The following SP9 variants were observed in gnomAD, a reference collection of about 807,000 sequenced individuals.
The protein encoded by SP9 is transcription factor Sp9.
Under a neutral mutation model 23.0 loss-of-function variants are expected in SP9, and 5 were observed. The observed-to-expected ratio is 0.22, with a 90% CI of 0.11 to 0.46. SP9 has a LOEUF of 0.46. Ranked by LOEUF, SP9 falls within the 20% of genes least tolerant of loss-of-function variation. SP9 has a pLI of 0.99. For missense variants in SP9, 542 were observed against 724.0 expected (o/e 0.75, Z 2.88); for synonymous variants, 360 against 356.5 (o/e 1.01, Z -0.11).
chr2:174,336,424 G>T lies in SP9; in HGVS notation c.339G>T (p.Ala113=), dbSNP rs960015638. ...SDYGGLFSNS[A]AAAAAAAGVS... is the part of the protein sequence containing the mutation. ...ACGGCGGCCTCTTCTCCAACTCGGCGGCTGCCGCGGCGGCAGCGGCCGGGG... is the reference window on the plus strand; with the variant it reads ...ACGGCGGCCTCTTCTCCAACTCGGCTGCTGCCGCGGCGGCAGCGGCCGGGG... The change falls in exon 2 of 2, where the codon GCG becomes GCT. Residue 113 remains alanine (A), a synonymous_variant. Coordinates refer to ENST00000394967, the MANE Select transcript of SP9 (RefSeq NM_001145250.2). 6.8e-6 allele frequency: 10 copies of T among 1,465,040 alleles called. No individual in the cohort carries two copies. The highest frequency in any genetic ancestry group is 8.0e-6 in the Non-Finnish European group (9 of 1,118,368). The allele number at this position is 1,465,040 out of a possible 1,614,324, so 90.8% of individuals were successfully genotyped here.
rs1684423743 is a variant in SP9 at position 174,336,897 on chromosome 2, G to C, written c.812G>C (p.Ser271Thr). The change falls in exon 2 of 2, where the codon AGC (serine) becomes ACC (threonine). Residue 271 changes from serine to threonine, a missense_variant. By Grantham distance (58) the Ser-to-Thr change is moderately conservative. Around this residue, in one of 8 missense-constraint regions of SP9, gnomAD observed 144 missense variants for 158.7 expected, o/e 0.91. Transcript: ENST00000394967. ...GTGTTGCCCTCCTATTCGGACTCCA[G>C]CGCCGCCGTGGCAGCCGCCGCCGCC... The part of the protein sequence containing the change: ...KPVLPSYSDS[S>T]AAVAAAAASA... The C allele has an allele frequency of 6.7e-7, 1 of 1,491,372 alleles. No homozygotes were observed. The highest frequency in any genetic ancestry group is 8.9e-7 in the Non-Finnish European group (1 of 1,127,712). The allele number at this position is 1,491,372 out of a possible 1,614,324, so 92.4% of individuals were successfully genotyped here.
In SP9 at chr2:174,335,920, G is replaced by A. The variant is rs1057323323; in HGVS notation, c.22-187G>A. On this transcript the variant is annotated intron_variant, in intron 1 of 1. Transcript: ENST00000394967. ...CGCCTGGACCTTCGCCCGGGTGATC[G>A]CCCCTGCTCCGCGCCCGGTGCGGCG... 17 of 565,550 alleles carry A rather than the reference G, an allele frequency of 3.0e-5. No homozygotes were observed. The East Asian group carries it at 5.3e-4, about 18-fold the overall frequency. The allele number at this position is 565,550 out of a possible 1,614,324, so 35.0% of individuals were successfully genotyped here.
At position 174,337,826 on chromosome 2, in the gene SP9, A is replaced by G. The variant is rs1372294406; in HGVS notation, c.*286A>G. The G allele has an allele frequency of 5.6e-6, 1 of 179,348 alleles. No homozygotes were observed. The highest frequency in any genetic ancestry group is 6.4e-5 in the Admixed American group (1 of 15,640). The allele number at this position is 179,348 out of a possible 1,614,324, so 11.1% of individuals were successfully genotyped here. On this transcript the variant is annotated 3_prime_UTR_variant, in exon 2 of 2. Coordinates refer to ENST00000394967, the MANE Select transcript of SP9 (RefSeq NM_001145250.2). Reference sequence around the variant, plus strand: ...AACACTTTAAAAACTGTACTCCCAGACGTACACATACACCGGAGACCTACA... The same window carrying G: ...AACACTTTAAAAACTGTACTCCCAGGCGTACACATACACCGGAGACCTACA...
Position 174,336,466 on chromosome 2 carries a change from G to T in SP9, c.381G>T (p.Ala127=). 3.4e-6 allele frequency: 5 copies of T among 1,479,562 alleles called. No homozygotes were observed. The highest frequency in any genetic ancestry group is 2.6e-5 in the South Asian group (2 of 76,336). The allele number at this position is 1,479,562 out of a possible 1,614,324, so 91.7% of individuals were successfully genotyped here. A position where few individuals can be genotyped will look rare whatever the true frequency, so the allele number is the denominator to read the frequency against. ...CGGCCGGGGTGTCCCCGCAGGAGGC[G>T]GGTGGCCAGTCGGCCTTCATTTCCA... The part of the protein sequence containing the change: ...AAAAGVSPQE[A]GGQSAFISKV... Residue 127 remains alanine, a synonymous_variant, in exon 2 of 2, where the codon GCG becomes GCT. Coordinates refer to ENST00000394967, the MANE Select transcript of SP9 (RefSeq NM_001145250.2).
chr2:174,337,521 C>G lies in SP9; in HGVS notation c.1436C>G (p.Ser479Cys). 1 of 1,174,596 alleles carries G rather than the reference C, an allele frequency of 8.5e-7. No homozygotes were observed. The highest frequency in any genetic ancestry group is 1.1e-6 in the Non-Finnish European group (1 of 948,706). The allele number at this position is 1,174,596 out of a possible 1,614,324, so 72.8% of individuals were successfully genotyped here. ...AASAGGKEAA[S>C]GPNDS ...TCCGCGGGAGGCAAGGAAGCAGCGT[C>G]TGGCCCCAACGACTCTTAGAGGCCG... Residue 479 changes from serine (S) to cysteine (C), a missense_variant, in exon 2 of 2, where the codon TCT becomes TGT. By Grantham distance (112) the Ser-to-Cys change is moderately radical. This residue lies in a region of SP9 where 55 missense variants were observed against 56.1 expected (regional missense o/e 0.98). Transcript: ENST00000394967.
Position 174,337,064 on chromosome 2 carries a change from C to T in SP9, c.979C>T (p.Arg327Trp). 1 of 1,550,488 alleles carries T rather than the reference C, an allele frequency of 6.4e-7. No homozygotes were observed. Among genetic ancestry groups the T allele is most frequent in the Non-Finnish European group, 8.7e-7 (1 of 1,154,452 alleles). ...ERLGPAGASL[R>W]RKGLHSCHIP... is the part of the protein sequence containing the mutation. ...GCTGGGCCCGGCCGGGGCGAGCCTG[C>T]GGCGCAAGGGCCTGCACAGCTGCCA... Residue 327 changes from arginine (R) to tryptophan (W), a missense_variant, in exon 2 of 2, where the codon CGG (arginine) becomes TGG (tryptophan). Physicochemically the swap from Arg to Trp is moderately radical, Grantham distance 101. Transcript: ENST00000394967.
rs991490347 is a variant in SP9, at chr2:174,337,353, G to A, written c.1268G>A (p.Gly423Asp). Reference protein sequence around the residue: ...THNGGGGGKKGSDSDTDASNL... With the variant: ...THNGGGGGKKDSDSDTDASNL... ...AACGGGGGCGGCGGGGGCAAAAAGG[G>A]CAGCGACAGTGACACGGACGCCAGC... Residue 423 changes from glycine to aspartate, a missense_variant, in exon 2 of 2, where the codon GGC becomes GAC. This residue lies in a region of SP9 where 35 missense variants were observed against 67.2 expected (regional missense o/e 0.52). Transcript: ENST00000394967. The A allele has an allele frequency of 2.6e-6, 4 of 1,550,342 alleles. No homozygotes were observed. The African/African-American group carries it at 4.1e-5, about 16-fold the overall frequency.
chr2:174,335,854 G>A (rs1297832605), intron 1 of SP9: 2 of 503,532 alleles, frequency 4.0e-6, no homozygotes, highest in East Asian at 3.6e-5. Context: ...GAACACGGAG[G>A]CATCTTTGAT....
At position 174,336,857 on chromosome 2, in the gene SP9, G is replaced by GAC. The variant is rs1349601763; in HGVS notation, c.773_774dup (p.Gly259ThrfsTer25). 6.6e-7 allele frequency: 1 copy of GAC among 1,522,758 alleles called. No homozygotes were observed. The highest frequency in any genetic ancestry group is 1.4e-5 in the African/African-American group (1 of 70,642). The allele number at this position is 1,522,758 out of a possible 1,614,324, so 94.3% of individuals were successfully genotyped here. On this transcript the variant is annotated frameshift_variant, in exon 2 of 2. Coordinates refer to ENST00000394967, the MANE Select transcript of SP9 (RefSeq NM_001145250.2). LOFTEE classifies it high-confidence loss of function. ...CACCAGCCAGCACCTGCTGGCCCAG[G>GAC]ACGGCTTCAAGCCGGTGTTGCCCTC...
At chr2:174,335,903 C>T in intron 1 of SP9, 1 of 550,554 alleles carries the variant, frequency 1.8e-6, no homozygotes, top group Non-Finnish European at 3.2e-6. Flanking sequence ...GGCGCCTGGA[C>T]CTTCGCCCGG....
chr2:174,337,227 G>C lies in SP9; in HGVS notation c.1142G>C (p.Arg381Pro), dbSNP rs1684430161. The C allele has an allele frequency of 6.3e-7, 1 of 1,590,224 alleles. No individual in the cohort carries two copies. The highest frequency in any genetic ancestry group is 8.6e-7 in the Non-Finnish European group (1 of 1,168,984). ...TTCACGCGCTCGGACGAGCTGCAGC[G>C]GCATCTGCGGACTCACACGGGCGAG... ...KRFTRSDELQ[R>P]HLRTHTGEKR... Residue 381 changes from arginine (R) to proline (P), a missense_variant, in exon 2 of 2, where the codon CGG becomes CCG. Coordinates refer to ENST00000394967, the MANE Select transcript of SP9 (RefSeq NM_001145250.2).
Position 174,336,242 on chromosome 2 carries a change from T to C in SP9, c.157T>C (p.Ser53Pro). The change falls in exon 2 of 2, where the codon TCC becomes CCC. Residue 53 changes from serine (S) to proline (P), a missense_variant. This residue lies in a region of SP9 where 201 missense variants were observed against 226.3 expected (regional missense o/e 0.89). Coordinates refer to ENST00000394967, the MANE Select transcript of SP9 (RefSeq NM_001145250.2). Reference sequence around the variant, plus strand: ...AGGCGGCTTTCACCCCTGGAAGCGCTCCTCGTCCAGCTGCAACCTCGGCTC... The same window carrying C: ...AGGCGGCTTTCACCCCTGGAAGCGCCCCTCGTCCAGCTGCAACCTCGGCTC... Reference protein sequence around the residue: ...AKGGFHPWKRSSSSCNLGSSL... With the variant: ...AKGGFHPWKRPSSSCNLGSSL... 1 of 1,547,188 alleles carries C rather than the reference T, an allele frequency of 6.5e-7. No homozygotes were observed. The highest frequency in any genetic ancestry group is 1.7e-4 in the Middle Eastern group (1 of 5,976).
intron 1 of SP9, 61 bp from the exon 2 acceptor site, chr2:174,336,046 C>T (rs1158480529): frequency 2.0e-6 from 3 of 1,495,160 alleles, no homozygotes; most frequent in Non-Finnish European, 2.7e-6. Context: ...CACTTTGTTT[C>T]TTCCCCCACT....
rs1684417719 is a variant in SP9, at chr2:174,336,610, CGCG to C, written c.529_531del (p.Ala177del). Reference sequence around the variant, plus strand: ...TGGCGGCCGGCGAGGTGACCAACGGCGCGGCGTCGTCGTGGTGGGACGTGCACA... The same window carrying C: ...TGGCGGCCGGCGAGGTGACCAACGGCGCGTCGTCGTGGTGGGACGTGCACA... On this transcript the variant is annotated inframe_deletion, in exon 2 of 2. Coordinates refer to ENST00000394967, the MANE Select transcript of SP9 (RefSeq NM_001145250.2). The C allele has an allele frequency of 7.0e-7, 1 of 1,428,426 alleles. No individual in the cohort carries two copies. Among genetic ancestry groups the C allele is most frequent in the African/African-American group, 1.5e-5 (1 of 66,754 alleles). The allele number at this position is 1,428,426 out of a possible 1,614,324, so 88.5% of individuals were successfully genotyped here. A position where few individuals can be genotyped will look rare whatever the true frequency, so the allele number is the denominator to read the frequency against.
In SP9 at chr2:174,336,498, A is replaced by G; in HGVS notation, c.413A>G (p.His138Arg). The change falls in exon 2 of 2, where the codon CAC (histidine) becomes CGC (arginine). Residue 138 changes from histidine (H) to arginine (R), a missense_variant. His to Arg is a conservative substitution (Grantham distance 29). This residue lies in a region of SP9 where 201 missense variants were observed against 226.3 expected (regional missense o/e 0.89). Transcript: ENST00000394967. ...CAGTCGGCCTTCATTTCCAAGGTGC[A>G]CACGACGGCAGCCGACGGGCTGTAC... ...GGQSAFISKV[H>R]TTAADGLYPR... 6.8e-7 allele frequency: 1 copy of G among 1,475,506 alleles called. No individual in the cohort carries two copies. Among genetic ancestry groups the G allele is most frequent in the Non-Finnish European group, 9.0e-7 (1 of 1,116,958 alleles). 91.4% of individuals were successfully genotyped at this position (1,475,506 alleles called of 1,614,324 possible).
In SP9 at chr2:174,338,360, A is replaced by G. The variant is rs377667835; in HGVS notation, c.*820A>G. On this transcript the variant is annotated 3_prime_UTR_variant, in exon 2 of 2. Coordinates refer to ENST00000394967, the MANE Select transcript of SP9 (RefSeq NM_001145250.2). The stretch of plus-strand genomic sequence containing the variant: ...GTGAAAGTCAGTATATATGTAAAAG[A>G]TATTTAAAATGTTGAGTTATCATTT... The G allele has an allele frequency of 5.9e-5, 9 of 152,328 alleles. No individual in the cohort carries two copies. In the South Asian group the frequency reaches 1.9e-3, roughly 32 times the overall value. The allele number at this position is 152,328 out of a possible 1,614,324, so 9.4% of individuals were successfully genotyped here.
At chr2:174,336,000 G>A (rs1684404031) in intron 1 of SP9, 107 bp from the exon 2 acceptor site, 2 of 1,087,398 alleles carry the variant, frequency 1.8e-6, no homozygotes, top group Admixed American at 2.7e-5. Context: ...AGGACCCCCC[G>A]GGAGCAGCCG....
Position 174,337,465 on chromosome 2 carries a change from G to T in SP9, c.1380G>T (p.Ala460=). The T allele has an allele frequency of 8.2e-7, 1 of 1,214,450 alleles. No homozygotes were observed. Among genetic ancestry groups the T allele is most frequent in the Non-Finnish European group, 1.0e-6 (1 of 958,262 alleles). 75.2% of individuals were successfully genotyped at this position (1,214,450 alleles called of 1,614,324 possible). A position where few individuals can be genotyped will look rare whatever the true frequency, so the allele number is the denominator to read the frequency against. The part of the protein sequence containing the change: ...VSAARAAAAA[A]AAAAAAAAAA... ...CCGCCCGGGCGGCGGCAGCGGCGGC[G>T]GCGGCAGCGGCGGCGGCGGCGGCGG... Residue 460 remains alanine, a synonymous_variant, in exon 2 of 2, where the codon GCG becomes GCT. Coordinates refer to ENST00000394967, the MANE Select transcript of SP9 (RefSeq NM_001145250.2).
chr2:174,337,340 G>T lies in SP9; in HGVS notation c.1255G>T (p.Gly419Trp). The T allele has an allele frequency of 1.3e-6, 2 of 1,550,810 alleles. No individual in the cohort carries two copies. Among genetic ancestry groups the T allele is most frequent in the South Asian group, 1.2e-5 (1 of 84,040 alleles). The change falls in exon 2 of 2, where the codon GGG (glycine) becomes TGG (tryptophan). Residue 419 changes from glycine to tryptophan, a missense_variant. Physicochemically the swap from Gly to Trp is radical, Grantham distance 184. Coordinates refer to ENST00000394967, the MANE Select transcript of SP9 (RefSeq NM_001145250.2). ...KHIKTHNGGG[G>W]GKKGSDSDTD... ...CATTAAGACGCACAACGGGGGCGGC[G>T]GGGGCAAAAAGGGCAGCGACAGTGA...
Sources: gnomAD v4.1 joint callset for allele counts on GRCh38, gnomAD v4.1.1 for gene constraint, gnomAD v4.1.1 regional missense constraint, MANE v1.5 for transcripts, NCBI Gene and HGNC (gene_info 2026-07-23, HGNC 2026-07-21) for gene names.